STRN4: variants seen among roughly 807,000 people sequenced by gnomAD.
The protein encoded by STRN4 is striatin-4.
A neutral mutation model predicts 77.9 loss-of-function variants in STRN4; 27 were observed. The observed-to-expected ratio is 0.35, with a 90% CI of 0.26 to 0.48. The LOEUF (loss-of-function observed/expected upper bound fraction) is 0.48, where lower values mean the gene tolerates loss of function less well. Ranked by LOEUF, STRN4 falls within the 20% of genes least tolerant of loss-of-function variation. The probability of loss-of-function intolerance (pLI) is 0.99; values close to 1 mark genes in which losing one functional copy is unlikely to be tolerated. For synonymous variants in STRN4, 466 were observed against 443.1 expected (o/e 1.05, Z -0.65); for missense variants, 798 against 1,049.7 (o/e 0.76, Z 3.31).
chr19:46,727,429 T>G, intron 9 of STRN4, 23 bp downstream of exon 9: 1 of 1,603,298 alleles, frequency 6.2e-7, no homozygotes, highest in Non-Finnish European at 8.5e-7. Flanking sequence ...GGGGACAGTG[T>G]GGGGGGCACC....
chr19:46,730,237 CACACTGGGG>C (rs2054217417), intron 6 of STRN4, among the ~76,000 whole-genome samples: 1 of 152,206 alleles, frequency 6.6e-6, no homozygotes, highest in Non-Finnish European at 1.5e-5. Context: ...TGTGCTGAGC[CACACTGGGG>C]ATACTGGAGA....
At position 46,746,113 on chromosome 19, in the gene STRN4, C is replaced by CGGGTTGG. The variant is rs764406449; in HGVS notation, c.282+29_282+35dup. 39 of 1,450,902 alleles carry CGGGTTGG rather than the reference C, an allele frequency of 2.7e-5. No homozygotes were observed. In the African/African-American group the frequency reaches 3.0e-4, roughly 11 times the overall value. 89.9% of individuals were successfully genotyped at this position (1,450,902 alleles called of 1,614,324 possible). On this transcript the variant is annotated intron_variant, in intron 1 of 17. Transcript: ENST00000263280. The stretch of plus-strand genomic sequence containing the variant: ...CGGGTGAGGCCGGGCCGGGCCGGGC[C>CGGGTTGG]GGGTTGGGGGTCGGGGGTCCCGGGA...
intron 1 of STRN4, among the ~76,000 whole-genome samples, chr19:46,742,169 G>A (rs538355408): frequency 2.6e-5 from 4 of 152,290 alleles, no homozygotes; most frequent in East Asian, 1.9e-4. Context: ...TTTCGGATGG[G>A]CAGAAACCAC....
At chr19:46,730,975 G>A (rs2054237448) in intron 5 of STRN4, 102 bp from the exon 6 acceptor site, 2 of 1,526,636 alleles carry the variant, frequency 1.3e-6, no homozygotes, top group African/African-American at 2.7e-5. Flanking sequence ...CCCAGACCCA[G>A]CTAACCCCCT....
intron 6 of STRN4, among the ~76,000 whole-genome samples, chr19:46,729,760 C>T (rs2054207095): frequency 6.6e-6 from 1 of 152,200 alleles, no homozygotes. Context: ...TGGGGGACAG[C>T]CACCATGCAG....
intron 1 of STRN4, 131 bp from the exon 2 acceptor site, chr19:46,739,019 G>A (rs1209570832): frequency 1.5e-5 from 11 of 736,834 alleles, no homozygotes; most frequent in Non-Finnish European, 2.6e-5. Context: ...ACTTCCTCAG[G>A]CACAAAGATC....
At position 46,738,961 on chromosome 19, in the gene STRN4, C is replaced by T; in HGVS notation, c.283-73G>A. 1 of 1,308,572 alleles carries T rather than the reference C, an allele frequency of 7.6e-7. No individual in the cohort carries two copies. Among genetic ancestry groups the T allele is most frequent in the Admixed American group, 1.7e-5 (1 of 58,838 alleles). The allele number at this position is 1,308,572 out of a possible 1,614,324, so 81.1% of individuals were successfully genotyped here. ...AATGCCGGTGTGTCTATCACTCACC[C>T]AGGTATAGTGCCAGCCCACAGTCAC... On this transcript the variant is annotated intron_variant, in intron 1 of 17. Coordinates refer to ENST00000263280, the MANE Select transcript of STRN4 (RefSeq NM_013403.3). The surrounding 1 kb of genome is among the most constrained non-coding windows in gnomAD (Gnocchi z 4.5).
Position 46,719,795 on chromosome 19 carries a change from G to A in STRN4, c.*610C>T, listed in dbSNP as rs1599851345. On this transcript the variant is annotated 3_prime_UTR_variant, in exon 18 of 18. Coordinates refer to ENST00000263280, the MANE Select transcript of STRN4 (RefSeq NM_013403.3). ...CACTCCACCCTCCATGCCCCAGGGA[G>A]GGGCACAAGAAAGCCGTCTCTACCC... 6.6e-6 allele frequency: 1 copy of A among 152,472 alleles called. No individual in the cohort carries two copies. Among genetic ancestry groups the A allele is most frequent in the Non-Finnish European group, 1.5e-5 (1 of 68,018 alleles). The allele number at this position is 152,472 out of a possible 1,614,324, so 9.4% of individuals were successfully genotyped here. A position where few individuals can be genotyped will look rare whatever the true frequency, so the allele number is the denominator to read the frequency against.
rs751841704 is a variant in STRN4 at position 46,736,913 on chromosome 19, G to A, written c.461-12C>T. 3.1e-6 allele frequency: 5 copies of A among 1,610,202 alleles called. No individual in the cohort carries two copies. Among genetic ancestry groups the A allele is most frequent in the Non-Finnish European group, 4.2e-6 (5 of 1,178,172 alleles). On this transcript the variant is annotated splice_polypyrimidine_tract_variant and intron_variant, in intron 3 of 17. Transcript: ENST00000263280. Reference sequence around the variant, plus strand: ...GGGGCCATTGGAGACTGGCGGGTGAGAGAACGGAGGCTGTCTTAAGTCAGG... The same window carrying A: ...GGGGCCATTGGAGACTGGCGGGTGAAAGAACGGAGGCTGTCTTAAGTCAGG...
At chr19:46,725,005 A>G in intron 11 of STRN4, 77 bp from the exon 12 acceptor site, 2 of 1,594,652 alleles carry the variant, frequency 1.3e-6, no homozygotes, top group Non-Finnish European at 1.7e-6. Flanking sequence ...TAAGTTCCCT[A>G]CTAGCATTCT....
At chr19:46,730,916 G>C (rs1478866706) in intron 5 of STRN4, 43 bp from the exon 6 acceptor site, 2 of 1,600,232 alleles carry the variant, frequency 1.2e-6, no homozygotes, top group African/African-American at 2.7e-5. Flanking sequence ...GTCCTGGCAG[G>C]TGTCAAAGCT....
chr19:46,728,388 T>C (rs1208281257), intron 7 of STRN4: 1 of 637,088 alleles, frequency 1.6e-6, no homozygotes, highest in Non-Finnish European at 2.7e-6. Flanking sequence ...GCGGCCCCAC[T>C]TCAGGAAGAG....
chr19:46,726,886 G>C (rs1373628070), intron 9 of STRN4, among the ~76,000 whole-genome samples: 1 of 152,114 alleles, frequency 6.6e-6, no homozygotes, highest in Admixed American at 6.6e-5. Context: ...ACATCTTGGG[G>C]CGTGCAGAGG....
chr19:46,732,688 A>C, intron 5 of STRN4: 3 of 263,188 alleles, frequency 1.1e-5, no homozygotes, highest in Non-Finnish European at 1.5e-5. Flanking sequence ...TGAACAAGCC[A>C]GAGATTCCTG....
rs748423536 is a variant in STRN4 at position 46,722,097 on chromosome 19, G to A, written c.2006-25C>T. On this transcript the variant is annotated intron_variant, in intron 15 of 17. Coordinates refer to ENST00000263280, the MANE Select transcript of STRN4 (RefSeq NM_013403.3). Reference sequence around the variant, plus strand: ...CCTGAGGCGAGAAGGGCGGGTGGCAGGTTCCCCTCCCACTCTGGGCCTCGC... The same window carrying A: ...CCTGAGGCGAGAAGGGCGGGTGGCAAGTTCCCCTCCCACTCTGGGCCTCGC... 3.7e-6 allele frequency: 6 copies of A among 1,611,628 alleles called. No homozygotes were observed. The South Asian group carries it at 6.6e-5, about 18-fold the overall frequency.
intron 4 of STRN4, among the ~76,000 whole-genome samples, chr19:46,734,769 A>T (rs547249312): frequency 1.6e-4 from 24 of 152,124 alleles, no homozygotes; most frequent in Non-Finnish European, 1.0e-4. Context: ...GGTTCACGCC[A>T]TTCTCCTGCC....
intron 16 of STRN4, 30 bp downstream of exon 16, chr19:46,721,956 A>G (rs2053987565): frequency 7.4e-6 from 12 of 1,611,364 alleles, no homozygotes; most frequent in Middle Eastern, 1.6e-4. Context: ...CTTCTCCCCA[A>G]CCCTGGTGGG....
intron 3 of STRN4, 74 bp from the exon 4 acceptor site, chr19:46,736,975 C>T (rs2054378955): frequency 3.6e-5 from 54 of 1,498,826 alleles, no homozygotes; most frequent in Non-Finnish European, 5.0e-5. Flanking sequence ...CCATCTTCCT[C>T]ACCCCTCCAA....
Position 46,738,290 on chromosome 19 carries a change from A to C in STRN4, c.387-53T>G. On this transcript the variant is annotated intron_variant, in intron 2 of 17. Transcript: ENST00000263280. The surrounding 1 kb of genome is among the most constrained non-coding windows in gnomAD (Gnocchi z 4.5). ...GAGATGCGGGAGAGTAGACAGGGTC[A>C]GTAGTTACCTAAGGAATCCAGAATC... 1 of 1,520,624 alleles carries C rather than the reference A, an allele frequency of 6.6e-7. No homozygotes were observed. The highest frequency in any genetic ancestry group is 9.1e-7 in the Non-Finnish European group (1 of 1,095,618). 94.2% of individuals were successfully genotyped at this position (1,520,624 alleles called of 1,614,324 possible).
Sources: allele counts gnomAD v4.1 joint callset (sites outside exome capture counted in the v4.1 genomes callset), GRCh38; gene constraint gnomAD v4.1.1; non-coding constraint Gnocchi (gnomAD v3.1); transcripts MANE v1.5; gene names NCBI Gene and HGNC (gene_info 2026-07-23, HGNC 2026-07-21).